Variants in ZNF445 observed in about 807,000 individuals in gnomAD.
The protein encoded by ZNF445 is zinc finger protein 168.
ZNF445 carries 19 observed loss-of-function variants against 93.9 expected under a neutral mutation model. The ratio of observed to expected loss-of-function variants is 0.20; its 90% CI spans 0.14 to 0.30. ZNF445 has a LOEUF of 0.30. Among genes scored for constraint, ZNF445 ranks in the 10% least tolerant of loss-of-function variants. The pLI, the probability that ZNF445 is intolerant of heterozygous loss-of-function variation, is 1.00. For missense variants in ZNF445, 1,058 were observed against 1,259.4 expected (o/e 0.84, Z 2.42); for synonymous variants, 449 against 446.3 (o/e 1.01, Z -0.08).
chr3:44,451,441 A>G lies in ZNF445; in HGVS notation c.471T>C (p.Gly157=), dbSNP rs1347543624. ...TCTGTGCAGATCGCAGGGCTCCTGT[A>G]CCCATCCAATGCACATCTGGGCTCT... ...PAQSPDVHWM[G]TGALRSAQIW... Residue 157 remains glycine (G), a synonymous_variant, in exon 4 of 8, where the codon GGT becomes GGC. Transcript: ENST00000396077. 1 of 1,613,098 alleles carries G rather than the reference A, an allele frequency of 6.2e-7. No individual in the cohort carries two copies. The highest frequency in any genetic ancestry group is 2.2e-5 in the East Asian group (1 of 44,828).
chr3:44,450,068 G>A, intron 6 of ZNF445: 1 of 293,790 alleles, frequency 3.4e-6, no homozygotes, highest in Admixed American at 4.9e-5. Flanking sequence ...GGCTTCCCAA[G>A]TAGCTGGGAT....
At chr3:44,454,763 T>C (rs979953579) in intron 3 of ZNF445, 2 of 282,610 alleles carry the variant, frequency 7.1e-6, no homozygotes, top group Non-Finnish European at 1.4e-5. Flanking sequence ...TGTGGGGGGG[T>C]CCTCCTATGT....
rs559093546 is a variant in ZNF445 at position 44,440,514 on chromosome 3, T to C, written c.*6061A>G. On this transcript the variant is annotated 3_prime_UTR_variant, in exon 8 of 8. Transcript: ENST00000396077. ...AGTATATAGAGAACATCCTCATTTT[T>C]AAAAAAACTGTGGCCTGGTATTTCA... The C allele has an allele frequency of 6.6e-6, 1 of 152,288 alleles. No homozygotes were observed. Among genetic ancestry groups the C allele is most frequent in the African/African-American group, 2.4e-5 (1 of 41,568 alleles). 9.4% of individuals were successfully genotyped at this position (152,288 alleles called of 1,614,324 possible).
chr3:44,473,622 AAAC>A (rs10649222), intron 1 of ZNF445, among the ~76,000 whole-genome samples: 3 of 151,766 alleles, frequency 2.0e-5, no homozygotes, highest in African/African-American at 7.3e-5. Context: ...CAATTAAAAC[AAAC>A]AACAACAACA....
chr3:44,452,696 C>T (rs1697972841), intron 3 of ZNF445, among the ~76,000 whole-genome samples: 1 of 152,110 alleles, frequency 6.6e-6, no homozygotes, highest in African/African-American at 2.4e-5. Flanking sequence ...AAATTATTAT[C>T]AGGTCCTTTT....
chr3:44,432,596 C>T lies in ZNF445; in HGVS notation c.*13979G>A, dbSNP rs1480338983. 1.3e-5 allele frequency: 2 copies of T among 152,200 alleles called. No individual in the cohort carries two copies. The highest frequency in any genetic ancestry group is 2.1e-4 in the South Asian group (1 of 4,822). 9.4% of individuals were successfully genotyped at this position (152,200 alleles called of 1,614,324 possible). On this transcript the variant is annotated 3_prime_UTR_variant, in exon 8 of 8. Transcript: ENST00000396077. ...AGGTCTTCAGGTGATTGGATGAAGC[C>T]CACCCACAGATAGAGGGCAATCTGC...
intron 1 of ZNF445, among the ~76,000 whole-genome samples, chr3:44,461,299 C>T (rs1240744989): frequency 1.3e-5 from 2 of 152,092 alleles, no homozygotes; most frequent in African/African-American, 4.8e-5. Flanking sequence ...CTCCTTCTAA[C>T]CAGGAGGAAG....
intron 1 of ZNF445, among the ~76,000 whole-genome samples, chr3:44,465,065 TA>T (rs34412481): frequency 0.68 from 76,667 of 113,340 alleles, 25,036 homozygotes; most frequent in East Asian, 0.96. Flanking sequence ...AGACTCCGCC[TA>T]AAAAAAAAAA....
rs1033539031 is a variant in ZNF445, at chr3:44,435,521, T to C, written c.*11054A>G. The C allele has an allele frequency of 6.6e-6, 1 of 152,184 alleles. No individual in the cohort carries two copies. Among genetic ancestry groups the C allele is most frequent in the African/African-American group, 2.4e-5 (1 of 41,438 alleles). The allele number at this position is 152,184 out of a possible 1,614,324, so 9.4% of individuals were successfully genotyped here. Reference sequence around the variant, plus strand: ...CCATCTGTCTTCTGCACAGGCTGAGTAGGTGAGCTAAGTGGAGATGTGTTC... The same window carrying C: ...CCATCTGTCTTCTGCACAGGCTGAGCAGGTGAGCTAAGTGGAGATGTGTTC... On this transcript the variant is annotated 3_prime_UTR_variant, in exon 8 of 8. Transcript: ENST00000396077.
chr3:44,458,367 C>T lies in ZNF445; in HGVS notation c.-268-3G>A, dbSNP rs1247716348. 1 of 150,730 alleles carries T rather than the reference C, an allele frequency of 6.6e-6. No individual in the cohort carries two copies. Among genetic ancestry groups the T allele is most frequent in the East Asian group, 1.9e-4 (1 of 5,148 alleles). 9.3% of individuals were successfully genotyped at this position (150,730 alleles called of 1,614,324 possible). ...CTTGCGAAAGAGCGAGACTCCACCT[C>T]AAAAAAAAGAACATAGGAGAAAACC... On this transcript the variant is annotated splice_polypyrimidine_tract_variant and splice_region_variant and intron_variant, in intron 1 of 7. Coordinates refer to ENST00000396077, the MANE Select transcript of ZNF445 (RefSeq NM_181489.6).
At chr3:44,466,855 T>C (rs1226088693) in intron 1 of ZNF445, among the ~76,000 whole-genome samples, 3 of 152,266 alleles carry the variant, frequency 2.0e-5, no homozygotes, top group African/African-American at 7.2e-5. Flanking sequence ...GAAACTTCTA[T>C]AATGTTGACA....
intron 1 of ZNF445, among the ~76,000 whole-genome samples, chr3:44,467,424 G>A (rs896501510): frequency 1.3e-5 from 2 of 152,154 alleles, no homozygotes. Context: ...ATTAAAGCCT[G>A]TTGGGGAATC....
intron 1 of ZNF445, 136 bp from the exon 2 acceptor site, chr3:44,458,500 T>C (rs370202138): frequency 1.1e-4 from 17 of 152,322 alleles, no homozygotes; most frequent in African/African-American, 3.9e-4. Context: ...CTAACTCCCA[T>C]AGCCCTTATT....
intron 1 of ZNF445, among the ~76,000 whole-genome samples, chr3:44,460,452 G>A (rs534745836): frequency 2.0e-4 from 30 of 152,276 alleles, no homozygotes; most frequent in Non-Finnish European, 2.8e-4. Flanking sequence ...GAAGCTACAA[G>A]ATTCTGACCC....
At position 44,447,213 on chromosome 3, in the gene ZNF445, A is replaced by G; in HGVS notation, c.2458T>C (p.Cys820Arg). Reference protein sequence around the residue: ...RIHSLQKQYDCHESEKTPNVE... With the variant: ...RIHSLQKQYDRHESEKTPNVE... ...TTTGGAGTCTTTTCACTTTCATGGC[A>G]ATCATACTGTTTTTGAAGAGAGTGA... Residue 820 changes from cysteine (C) to arginine (R), a missense_variant, in exon 8 of 8, where the codon TGC becomes CGC. Cys to Arg is a radical substitution (Grantham distance 180). Transcript: ENST00000396077. This position sits in a 1 kb window ranked among gnomAD's most constrained non-coding sequence, Gnocchi z 4.7. 2 of 1,614,180 alleles carry G rather than the reference A, an allele frequency of 1.2e-6. No individual in the cohort carries two copies. The highest frequency in any genetic ancestry group is 1.7e-6 in the Non-Finnish European group (2 of 1,180,026).
intron 4 of ZNF445, 123 bp from the exon 5 acceptor site, chr3:44,451,085 A>G: frequency 2.0e-6 from 2 of 1,002,856 alleles, no homozygotes; most frequent in South Asian, 3.3e-5. Flanking sequence ...TTAAATACCC[A>G]TCTCACATGT....
chr3:44,473,008 T>C (rs139980009), intron 1 of ZNF445, among the ~76,000 whole-genome samples: 4 of 152,312 alleles, frequency 2.6e-5, no homozygotes, highest in African/African-American at 9.6e-5. Flanking sequence ...TCTGTTACAT[T>C]GTTTCTTCAC....
At chr3:44,456,365 C>A (rs1249513819) in intron 2 of ZNF445, among the ~76,000 whole-genome samples, 1 of 152,100 alleles carries the variant, frequency 6.6e-6, no homozygotes, top group Non-Finnish European at 1.5e-5. Context: ...TGCAGTGAAC[C>A]AAGATCGTGC....
chr3:44,448,484 A>G lies in ZNF445; in HGVS notation c.1187T>C (p.Leu396Pro). 6.2e-7 allele frequency: 1 copy of G among 1,613,648 alleles called. No homozygotes were observed. The highest frequency in any genetic ancestry group is 8.5e-7 in the Non-Finnish European group (1 of 1,179,962). The change falls in exon 8 of 8, where the codon CTT (leucine) becomes CCT (proline). Residue 396 changes from leucine (L) to proline (P), a missense_variant. By Grantham distance (98) the Leu-to-Pro change is moderately conservative. This residue lies in a region of ZNF445 where 657 missense variants were observed against 746.4 expected (regional missense o/e 0.88). Transcript: ENST00000396077. The stretch of plus-strand genomic sequence containing the variant: ...CAAATATGTAACATGTTTTAAGTCA[A>G]GACTATTACTTCCTGATACTTCAGA... Reference protein sequence around the residue: ...KDSEVSGSNSLDLKHVTYLRV... With the variant: ...KDSEVSGSNSPDLKHVTYLRV...
Sources: gnomAD v4.1 joint callset for allele counts (sites outside exome capture counted in the v4.1 genomes callset) on GRCh38, gnomAD v4.1.1 for gene constraint, gnomAD v4.1.1 regional missense constraint, Gnocchi (gnomAD v3.1) non-coding constraint, MANE v1.5 for transcripts, NCBI Gene and HGNC (gene_info 2026-07-23, HGNC 2026-07-21) for gene names.